COL12A1: variants seen among roughly 807,000 people sequenced by gnomAD.
COL12A1 encodes collagen type XII alpha 1 chain.
A neutral mutation model predicts 349.7 loss-of-function variants in COL12A1; 114 were observed. The observed-to-expected ratio is 0.33, with a 90% confidence interval of 0.28 to 0.38. The LOEUF (loss-of-function observed/expected upper bound fraction) is 0.38. COL12A1 is among the 10% of genes least tolerant of loss of function. The pLI, the probability that COL12A1 is intolerant of heterozygous loss-of-function variation, is 1.00. For synonymous variants in COL12A1, 1,369 were observed against 1,329.0 expected, an observed-to-expected ratio of 1.03 and a Z score of -0.66; for missense variants, 3,284 against 3,756.9, an observed-to-expected ratio of 0.87 and a Z score of 3.29.
Position 75,134,724 on chromosome 6 carries a change from A to AC in COL12A1, c.5524+1dup. The AC allele has an allele frequency of 6.3e-7, 1 of 1,595,124 alleles. No individual in the cohort carries two copies. Among genetic ancestry groups the AC allele is most frequent in the South Asian group, 1.1e-5 (1 of 87,528 alleles). On this transcript the variant is annotated splice_donor_variant, in intron 32 of 65. Coordinates refer to ENST00000322507, the MANE Select transcript of COL12A1 (RefSeq NM_004370.6). LOFTEE classifies it high-confidence loss of function. ...AGCTATAGGAACTCAGGTTTCACTT[A>AC]CTGGTCTTGCCTCTTCCCGTCATCC...
intron 21 of COL12A1, among the ~76,000 whole-genome samples, chr6:75,149,622 G>A (rs150888645): frequency 6.6e-6 from 1 of 152,012 alleles, no homozygotes; most frequent in Non-Finnish European, 1.5e-5. Flanking sequence ...ATAATTAAAA[G>A]AGAAAGGGAT....
intron 31 of COL12A1, among the ~76,000 whole-genome samples, chr6:75,136,842 A>G (rs1766632393): frequency 6.6e-6 from 1 of 152,188 alleles, no homozygotes; most frequent in Non-Finnish European, 1.5e-5. Context: ...GGTTCTATTA[A>G]ATAGGGAAAG....
At chr6:75,183,688 C>T (rs944410574) in intron 9 of COL12A1, 36 bp from the exon 10 acceptor site, 7 of 1,555,744 alleles carry the variant, frequency 4.5e-6, no homozygotes, top group Non-Finnish European at 6.0e-6. Context: ...AACTTCAATA[C>T]ATATTAATCA....
chr6:75,132,424 A>T (rs1255532292), intron 34 of COL12A1, among the ~76,000 whole-genome samples: 3 of 152,222 alleles, frequency 2.0e-5, no homozygotes, highest in Non-Finnish European at 4.4e-5. Context: ...GAGGAAGAAG[A>T]GACATTTTTT....
intron 36 of COL12A1, 119 bp downstream of exon 36, chr6:75,130,733 G>A: frequency 7.8e-7 from 1 of 1,288,690 alleles, no homozygotes; most frequent in African/African-American, 1.5e-5. Flanking sequence ...GTAAATGTAG[G>A]GGATCCCAGG....
At chr6:75,186,053 C>T (rs1405045452) in intron 8 of COL12A1, among the ~76,000 whole-genome samples, 6 of 151,910 alleles carry the variant, frequency 3.9e-5, no homozygotes, top group Admixed American at 3.9e-4. Flanking sequence ...GGACATAGGC[C>T]CTGGCAAAGA....
At chr6:75,188,308 TACTC>T in intron 8 of COL12A1, 50 bp downstream of exon 8, 1 of 1,515,664 alleles carries the variant, frequency 6.6e-7, no homozygotes, top group Non-Finnish European at 8.9e-7. Context: ...TAACTATAAA[TACTC>T]AAACAATGGA....
At chr6:75,118,306 T>C (rs1205402549) in intron 46 of COL12A1, among the ~76,000 whole-genome samples, 2 of 152,154 alleles carry the variant, frequency 1.3e-5, no homozygotes, top group Non-Finnish European at 2.9e-5. Context: ...ACAGTATGAC[T>C]TAGCACTAAT....
intron 65 of COL12A1, 141 bp downstream of exon 65, chr6:75,087,436 T>C: frequency 1.3e-6 from 1 of 745,674 alleles, no homozygotes; most frequent in Non-Finnish European, 2.2e-6. Flanking sequence ...TAGCAAACAC[T>C]ATTATTATAT....
chr6:75,154,854 T>C (rs1767674440), intron 16 of COL12A1, among the ~76,000 whole-genome samples: 1 of 152,156 alleles, frequency 6.6e-6, no homozygotes, highest in South Asian at 2.1e-4. Context: ...AGGGTCAGAC[T>C]CTTTAATCTT....
intron 51 of COL12A1, among the ~76,000 whole-genome samples, chr6:75,110,036 C>T (rs770894418): frequency 1.1e-4 from 17 of 152,016 alleles, no homozygotes; most frequent in Non-Finnish European, 2.4e-4. Flanking sequence ...AAATATTTTT[C>T]CCACATGGAA....
Position 75,138,555 on chromosome 6 carries a change from G to A in COL12A1, c.5123C>T (p.Thr1708Ile). The A allele has an allele frequency of 6.2e-7, 1 of 1,613,940 alleles. No homozygotes were observed. Among genetic ancestry groups the A allele is most frequent in the Non-Finnish European group, 8.5e-7 (1 of 1,179,926 alleles). ...GGGGTTCAGGTTTTCGAACACCAAA[G>A]TGTTTTCATCTCCATTTAAGATGGT... ...METILNGDENTLVFENLNPNT... is the reference protein window; with the variant it reads ...METILNGDENILVFENLNPNT... The change falls in exon 29 of 66, where the codon ACT (threonine) becomes ATT (isoleucine). Residue 1708 changes from threonine (T) to isoleucine (I), a missense_variant. By Grantham distance (89) the Thr-to-Ile change is moderately conservative. Around this residue, in one of 2 missense-constraint regions of COL12A1, gnomAD observed 2,601 missense variants for 2,824.8 expected, o/e 0.92. Coordinates refer to ENST00000322507, the MANE Select transcript of COL12A1 (RefSeq NM_004370.6).
intron 39 of COL12A1, among the ~76,000 whole-genome samples, chr6:75,125,726 T>C (rs1765983143): frequency 6.6e-6 from 1 of 152,138 alleles, no homozygotes; most frequent in Admixed American, 6.6e-5. Flanking sequence ...AAGTTCTCTT[T>C]CTATTTCTTA....
Position 75,102,013 on chromosome 6 carries a change from G to A in COL12A1, c.8455C>T (p.Leu2819Phe). The change falls in exon 57 of 66, where the codon CTT (leucine) becomes TTT (phenylalanine). Residue 2819 changes from leucine (L) to phenylalanine (F), a missense_variant. Coordinates refer to ENST00000322507, the MANE Select transcript of COL12A1 (RefSeq NM_004370.6). ...GACCAACTCACTGTTCGGCCTGGAA[G>A]TCCTGGCTCTCCAGCATCACCTTTC... The part of the protein sequence containing the change: ...GMKGDAGEPG[L>F]PGRTGTPGLP... 1 of 1,614,170 alleles carries A rather than the reference G, an allele frequency of 6.2e-7. No homozygotes were observed. The highest frequency in any genetic ancestry group is 8.5e-7 in the Non-Finnish European group (1 of 1,180,032).
At chr6:75,112,034 T>C (rs970070739) in intron 51 of COL12A1, among the ~76,000 whole-genome samples, 1 of 151,860 alleles carries the variant, frequency 6.6e-6, no homozygotes, top group African/African-American at 2.4e-5. Flanking sequence ...CAGCTTGAAC[T>C]GGAAACATCT....
chr6:75,194,163 A>G (rs1455036023), intron 3 of COL12A1, among the ~76,000 whole-genome samples: 1 of 152,210 alleles, frequency 6.6e-6, no homozygotes, highest in African/African-American at 2.4e-5. Context: ...ACTGTCTTCC[A>G]CAATGGTTGA....
intron 25 of COL12A1, among the ~76,000 whole-genome samples, chr6:75,143,915 AAATCTAACAT>A (rs1767044976): frequency 6.6e-6 from 1 of 152,246 alleles, no homozygotes; most frequent in African/African-American, 2.4e-5. Flanking sequence ...AATGTTTACC[AAATCTAACAT>A]AACTTTCCAT....
rs1424451671 is a variant in COL12A1, at chr6:75,130,913, C to A, written c.6006G>T (p.Val2002=). ...ERLIPDTLYS[V]NLVALYSDGE... ...CATCCGAGTACAGAGCCACAAGGTT[C>A]ACGGAATAGAGTGTGTCCGGAATCA... is the stretch of plus-strand genomic sequence containing the variant. The change falls in exon 36 of 66, where the codon GTG becomes GTT. Residue 2002 remains valine, a synonymous_variant. Coordinates refer to ENST00000322507, the MANE Select transcript of COL12A1 (RefSeq NM_004370.6). The A allele has an allele frequency of 6.2e-7, 1 of 1,614,126 alleles. No homozygotes were observed. Among genetic ancestry groups the A allele is most frequent in the East Asian group, 2.2e-5 (1 of 44,870 alleles).
Position 75,183,438 on chromosome 6 carries a change from T to C in COL12A1, c.1503A>G (p.Glu501=). The change falls in exon 10 of 66, where the codon GAA becomes GAG. Residue 501 remains glutamate, a synonymous_variant. Transcript: ENST00000322507. Reference sequence around the variant, plus strand: ...AGGTGTTTATTGCTTCAATTATATCTTCAACTTTGGTGAATTTTTTCAAAG... The same window carrying C: ...AGGTGTTTATTGCTTCAATTATATCCTCAACTTTGGTGAATTTTTTCAAAG... The part of the protein sequence containing the change: ...EFTLKKFTKV[E]DIIEAINTFP... 1.2e-6 allele frequency: 2 copies of C among 1,614,228 alleles called. No individual in the cohort carries two copies. The highest frequency in any genetic ancestry group is 1.6e-4 in the Middle Eastern group (1 of 6,062).
Sources: gnomAD v4.1 joint callset for allele counts (sites outside exome capture counted in the v4.1 genomes callset) on GRCh38, gnomAD v4.1.1 for gene constraint, gnomAD v4.1.1 regional missense constraint, MANE v1.5 for transcripts, NCBI Gene and HGNC (gene_info 2026-07-23, HGNC 2026-07-21) for gene names.